The following GPM6A variants were observed in gnomAD, a reference collection of about 807,000 sequenced individuals.
GPM6A encodes glycoprotein M6A.
Under a neutral mutation model 32.1 loss-of-function variants are expected in GPM6A, and 7 were observed. That is an observed-to-expected ratio of 0.22 (90% CI 0.12 to 0.41). The LOEUF is 0.41. GPM6A is among the 10% of genes least tolerant of loss of function. GPM6A has a pLI of 1.00. For synonymous variants in GPM6A, 130 were observed against 123.4 expected (o/e 1.05, Z -0.35); for missense variants, 235 against 347.2 (o/e 0.68, Z 2.57).
chr4:175,840,036 T>C (rs994339088), intron 1 of GPM6A, among the ~76,000 whole-genome samples: 1 of 152,314 alleles, frequency 6.6e-6, no homozygotes, highest in Non-Finnish European at 1.5e-5. Context: ...TTAAAACCAA[T>C]TCATCAAGAA....
At chr4:175,671,891 C>G (rs1579367031) in intron 3 of GPM6A, among the ~76,000 whole-genome samples, 2 of 145,622 alleles carry the variant, frequency 1.4e-5, no homozygotes, top group African/African-American at 4.9e-5. Flanking sequence ...GGCTGACACC[C>G]TGCTGCATTG....
At chr4:175,839,637 C>A (rs1297599206) in intron 1 of GPM6A, among the ~76,000 whole-genome samples, 1 of 152,004 alleles carries the variant, frequency 6.6e-6, no homozygotes, top group South Asian at 2.1e-4. Context: ...ATAATTTGAA[C>A]AGAAACAGAC....
At position 176,001,304 on chromosome 4, in the gene GPM6A, T is replaced by G. The variant is rs1741471378; in HGVS notation, c.-23+1005A>C. Among the ~76,000 whole-genome samples the G allele has an allele frequency of 2.0e-5, 3 of 152,146 alleles. No individual in the cohort carries two copies. In the South Asian group the frequency reaches 6.2e-4, roughly 32 times the overall value. On this transcript the variant is annotated intron_variant, in intron 1 of 7. Transcript: ENST00000280187. ...ACTTGGCTGGAAGAAGTGAGCGGGC[T>G]GGGGTTGGAAGAGTAACTCGGGCTG...
At chr4:175,770,743 A>T (rs928754058) in intron 1 of GPM6A, among the ~76,000 whole-genome samples, 2 of 152,116 alleles carry the variant, frequency 1.3e-5, no homozygotes, top group African/African-American at 4.8e-5. Context: ...CAATTTCCTC[A>T]GCAGCATCTC....
intron 1 of GPM6A, among the ~76,000 whole-genome samples, chr4:175,864,585 T>G (rs1241702447): frequency 1.3e-5 from 2 of 152,186 alleles, no homozygotes; most frequent in Non-Finnish European, 2.9e-5. Flanking sequence ...ATGTTTTCTA[T>G]GGCCAAACTT....
At chr4:175,722,525 T>C (rs1393639989) in intron 1 of GPM6A, among the ~76,000 whole-genome samples, 2 of 152,114 alleles carry the variant, frequency 1.3e-5, no homozygotes, top group African/African-American at 4.8e-5. Context: ...CTGCACCCTT[T>C]TGCAGCTTTC....
At chr4:175,907,560 C>G (rs1487042237) in intron 1 of GPM6A, among the ~76,000 whole-genome samples, 2 of 152,072 alleles carry the variant, frequency 1.3e-5, no homozygotes, top group African/African-American at 2.4e-5. Flanking sequence ...AATATGACAC[C>G]TTGGCATTTG....
intron 1 of GPM6A, among the ~76,000 whole-genome samples, chr4:175,927,150 G>C (rs1028608567): frequency 2.0e-5 from 3 of 152,332 alleles, no homozygotes; most frequent in Middle Eastern, 3.4e-3. Flanking sequence ...AAAAAGTTAA[G>C]TTTGGAGACC....
chr4:175,636,337 G>A (rs1471789677), intron 6 of GPM6A, among the ~76,000 whole-genome samples: 1 of 140,222 alleles, frequency 7.1e-6, no homozygotes, highest in Non-Finnish European at 1.5e-5. Context: ...TACACATAAT[G>A]AAGTTTATGC....
intron 2 of GPM6A, among the ~76,000 whole-genome samples, chr4:175,693,314 T>G (rs12504879): frequency 0.058 from 8,646 of 148,744 alleles, 562 homozygotes; most frequent in East Asian, 0.35. Context: ...TATACATATA[T>G]AAGTATATAT....
chr4:175,863,981 A>G (rs982719141), intron 1 of GPM6A, among the ~76,000 whole-genome samples: 2 of 152,108 alleles, frequency 1.3e-5, no homozygotes, highest in African/African-American at 4.8e-5. Flanking sequence ...AGCCTGGACA[A>G]CAGAGAGAGA....
rs113079577 is a variant in GPM6A, at chr4:175,941,914, T to A, written c.-23+60395A>T. ...TATACCCAGTAATGGGATTTCTGGG[T>A]CAAAGGTATTTCTGGTTCTAGATCC... On this transcript the variant is annotated intron_variant, in intron 1 of 7. Transcript: ENST00000280187. 2.1e-3 allele frequency among the ~76,000 whole-genome samples: 320 copies of A among 152,298 alleles called. 1 individual carries two copies. The highest frequency in any genetic ancestry group is 7.1e-3 in the African/African-American group (294 of 41,566).
At chr4:175,907,489 G>A (rs1267730295) in intron 1 of GPM6A, among the ~76,000 whole-genome samples, 2 of 152,122 alleles carry the variant, frequency 1.3e-5, no homozygotes, top group Admixed American at 6.6e-5. Context: ...TGCACAGTCA[G>A]TCCCAGCCTC....
intron 1 of GPM6A, among the ~76,000 whole-genome samples, chr4:175,810,250 G>A (rs12498839): frequency 0.057 from 8,628 of 152,086 alleles, 291 homozygotes; most frequent in East Asian, 0.11. Context: ...AACTTATATA[G>A]AAAAGGTGTC....
chr4:175,854,669 G>T (rs1162283776), intron 1 of GPM6A, among the ~76,000 whole-genome samples: 1 of 152,204 alleles, frequency 6.6e-6, no homozygotes, highest in Non-Finnish European at 1.5e-5. Context: ...CAGGCAGAGT[G>T]CTGAACTCCG....
chr4:175,790,758 A>C (rs1733981291), intron 1 of GPM6A, among the ~76,000 whole-genome samples: 1 of 152,212 alleles, frequency 6.6e-6, no homozygotes. Flanking sequence ...AGAACGGCAA[A>C]TGCCATGAAT....
intron 3 of GPM6A, among the ~76,000 whole-genome samples, chr4:175,670,726 G>A (rs114328924): frequency 0.013 from 2,032 of 152,168 alleles, 42 homozygotes; most frequent in African/African-American, 0.046. Flanking sequence ...TTAAAATATT[G>A]TAATGAACTT....
upstream of GPM6A, among the ~76,000 whole-genome samples, chr4:175,816,533 G>T (rs994464856): frequency 6.6e-6 from 1 of 152,200 alleles, no homozygotes; most frequent in African/African-American, 2.4e-5. Context: ...ACAGATTAAA[G>T]AAGTTGTGGT....
chr4:175,675,160 C>A (rs977439231), intron 2 of GPM6A, among the ~76,000 whole-genome samples: 1 of 151,632 alleles, frequency 6.6e-6, no homozygotes, highest in Non-Finnish European at 1.5e-5. Context: ...CAAATAATAT[C>A]TTTTAAATCT....
Sources: gnomAD v4.1 joint callset for allele counts (sites outside exome capture counted in the v4.1 genomes callset) on GRCh38, gnomAD v4.1.1 for gene constraint, MANE v1.5 for transcripts, NCBI Gene and HGNC (gene_info 2026-07-23, HGNC 2026-07-21) for gene names.